The following SUGCT variants were observed in gnomAD, a reference collection of about 807,000 sequenced individuals.
SUGCT encodes the protein succinyl-CoA:glutarate-CoA transferase.
SUGCT carries 41 observed loss-of-function variants against 55.0 expected under a neutral mutation model. That is an observed-to-expected ratio of 0.74 (90% CI 0.58 to 0.97). SUGCT has a LOEUF of 0.97. Ranked by LOEUF, SUGCT falls within the 50% of genes least tolerant of loss-of-function variation. SUGCT has a pLI of 0.00. For synonymous variants in SUGCT, 187 were observed against 200.4 expected, an observed-to-expected ratio of 0.93 and a Z score of 0.56; for missense variants, 568 against 547.8, an observed-to-expected ratio of 1.04 and a Z score of -0.37.
intron 8 of SUGCT, among the ~76,000 whole-genome samples, chr7:40,307,210 A>G (rs958551787): frequency 6.6e-6 from 1 of 152,220 alleles, no homozygotes. Context: ...TATGGGTTGA[A>G]GTTTATTTCT....
intron 11 of SUGCT, among the ~76,000 whole-genome samples, chr7:40,486,742 T>C (rs1791378551): frequency 6.9e-6 from 1 of 145,204 alleles, no homozygotes; most frequent in Admixed American, 6.9e-5. Flanking sequence ...TTTTTTTCAA[T>C]TGAAGTGAAG....
intron 9 of SUGCT, among the ~76,000 whole-genome samples, chr7:40,382,814 G>A (rs1784933931): frequency 6.6e-6 from 1 of 152,088 alleles, no homozygotes; most frequent in South Asian, 2.1e-4. Context: ...GCTCTTTGAA[G>A]TTGTGAGATG....
At chr7:40,454,186 A>G (rs892541867) in intron 10 of SUGCT, among the ~76,000 whole-genome samples, 2 of 152,200 alleles carry the variant, frequency 1.3e-5, no homozygotes, top group Admixed American at 6.5e-5. Flanking sequence ...AACAATAACA[A>G]AAAGTCCAAT....
intron 12 of SUGCT, among the ~76,000 whole-genome samples, chr7:40,649,803 G>T (rs887419806): frequency 6.6e-6 from 1 of 152,080 alleles, no homozygotes; most frequent in Non-Finnish European, 1.5e-5. Context: ...GCCAAGAGAC[G>T]GAGAGATCAA....
intron 9 of SUGCT, among the ~76,000 whole-genome samples, chr7:40,412,440 A>G (rs985323615): frequency 4.6e-5 from 7 of 152,210 alleles, no homozygotes; most frequent in African/African-American, 1.7e-4. Flanking sequence ...TTGTAAAATT[A>G]GCTGATGCTT....
intron 13 of SUGCT, among the ~76,000 whole-genome samples, chr7:40,789,608 C>G (rs890489691): frequency 6.6e-6 from 1 of 152,058 alleles, no homozygotes; most frequent in African/African-American, 2.4e-5. Flanking sequence ...CTTTTGAGAT[C>G]TTGATTTCAG....
intron 12 of SUGCT, among the ~76,000 whole-genome samples, chr7:40,566,702 A>G (rs1443172447): frequency 2.0e-5 from 3 of 152,220 alleles, no homozygotes; most frequent in African/African-American, 7.2e-5. Context: ...TCATCGAGGA[A>G]GTGGTATAAC....
intron 12 of SUGCT, among the ~76,000 whole-genome samples, chr7:40,528,386 T>C (rs181486425): frequency 8.2e-4 from 125 of 152,326 alleles, no homozygotes; most frequent in African/African-American, 2.8e-3. Flanking sequence ...CAGTCATCTT[T>C]ATGAACATTG....
chr7:40,720,293 A>C (rs148471978), intron 12 of SUGCT, among the ~76,000 whole-genome samples: 1 of 152,334 alleles, frequency 6.6e-6, no homozygotes, highest in East Asian at 1.9e-4. Context: ...AAATGTTAAG[A>C]GGTACAAGGG....
chr7:40,801,906 A>G (rs926996617), intron 13 of SUGCT, among the ~76,000 whole-genome samples: 1 of 152,146 alleles, frequency 6.6e-6, no homozygotes, highest in African/African-American at 2.4e-5. Context: ...ACCAGCTTAT[A>G]TAGCTCTTGT....
the SUGCT span, among the ~76,000 whole-genome samples, chr7:40,971,932 AT>A: frequency 6.6e-6 from 1 of 152,172 alleles, no homozygotes; most frequent in Admixed American, 6.5e-5. Flanking sequence ...TAAAAAATTC[AT>A]GTTTACACTG....
chr7:40,336,380 G>T (rs1014717705), intron 9 of SUGCT, among the ~76,000 whole-genome samples: 1 of 152,128 alleles, frequency 6.6e-6, no homozygotes, highest in Non-Finnish European at 1.5e-5. Flanking sequence ...TCTAGTCCTG[G>T]ACATTTTTTG....
At chr7:40,301,464 A>G (rs1794536485) in intron 8 of SUGCT, among the ~76,000 whole-genome samples, 1 of 152,216 alleles carries the variant, frequency 6.6e-6, no homozygotes, top group South Asian at 2.1e-4. Context: ...TAAACACGTA[A>G]CAAGTATTTT....
intron 13 of SUGCT, among the ~76,000 whole-genome samples, chr7:40,845,397 C>T (rs1053490664): frequency 6.6e-6 from 1 of 152,130 alleles, no homozygotes; most frequent in African/African-American, 2.4e-5. Flanking sequence ...AGCCTCAGGT[C>T]CAGCGGAGAG....
At chr7:41,014,944 G>C in the SUGCT span, among the ~76,000 whole-genome samples, 29 of 152,240 alleles carry the variant, frequency 1.9e-4, no homozygotes, top group Non-Finnish European at 2.5e-4. Context: ...ACACATGGCT[G>C]GCATACCCTG....
chr7:40,214,913 C>CAA (rs960681658), intron 6 of SUGCT, among the ~76,000 whole-genome samples: 10 of 109,238 alleles, frequency 9.2e-5, no homozygotes, highest in African/African-American at 2.1e-4. Flanking sequence ...GACTCTGTCT[C>CAA]AAAAAAAAAA....
intron 1 of SUGCT, among the ~76,000 whole-genome samples, chr7:40,136,587 C>T (rs1368952085): frequency 3.3e-5 from 5 of 152,190 alleles, no homozygotes; most frequent in Admixed American, 2.0e-4. Context: ...CAAGGTAGCA[C>T]GTTGCCATTA....
the SUGCT span, among the ~76,000 whole-genome samples, chr7:41,005,532 C>T: frequency 6.6e-6 from 1 of 152,176 alleles, no homozygotes; most frequent in Non-Finnish European, 1.5e-5. Flanking sequence ...GCTGGAAAGA[C>T]ATGGCAACTT....
intron 9 of SUGCT, among the ~76,000 whole-genome samples, chr7:40,407,917 G>A (rs1041985622): frequency 3.3e-5 from 5 of 151,970 alleles, no homozygotes; most frequent in East Asian, 1.9e-4. Context: ...GAGTTCAGAC[G>A]TTTTCTTTAG....
Sources: allele counts gnomAD v4.1 joint callset (sites outside exome capture counted in the v4.1 genomes callset), GRCh38; gene constraint gnomAD v4.1.1; transcripts MANE v1.5; gene names NCBI Gene and HGNC (gene_info 2026-07-23, HGNC 2026-07-21).